Variants in CNTNAP5 observed in about 807,000 individuals in gnomAD.
CNTNAP5 encodes the protein contactin-associated protein-like 5.
In CNTNAP5, 72 loss-of-function variants were observed where a neutral mutation model predicts 150.2. The ratio of observed to expected loss-of-function variants is 0.48; its 90% CI spans 0.40 to 0.58. The LOEUF (loss-of-function observed/expected upper bound fraction) is 0.58. Among genes scored for constraint, CNTNAP5 ranks in the 20% least tolerant of loss-of-function variants. The pLI is 0.00. For synonymous variants in CNTNAP5, 672 were observed against 619.8 expected (o/e 1.08, Z -1.25); for missense variants, 1,636 against 1,626.2 (o/e 1.01, Z -0.10).
chr2:124,411,501 C>A (rs1171225622), intron 3 of CNTNAP5, among the ~76,000 whole-genome samples: 1 of 148,718 alleles, frequency 6.7e-6, no homozygotes, highest in African/African-American at 2.5e-5. Context: ...GAAAATGAAT[C>A]CAGCAGCACA....
At chr2:124,496,793 A>G (rs997780531) in intron 7 of CNTNAP5, among the ~76,000 whole-genome samples, 2 of 152,146 alleles carry the variant, frequency 1.3e-5, no homozygotes, top group African/African-American at 4.8e-5. Context: ...AGGAGTCTCA[A>G]TGGGAGCAGA....
chr2:124,472,110 A>G (rs965991384), intron 6 of CNTNAP5, among the ~76,000 whole-genome samples: 4 of 152,062 alleles, frequency 2.6e-5, no homozygotes, highest in Non-Finnish European at 5.9e-5. Flanking sequence ...GCTCAAACTA[A>G]TTTATTACTT....
intron 12 of CNTNAP5, among the ~76,000 whole-genome samples, chr2:124,627,715 GA>G (rs1677758234): frequency 6.6e-6 from 1 of 152,290 alleles, no homozygotes; most frequent in African/African-American, 2.4e-5. Flanking sequence ...CTGAAGCTGA[GA>G]TGGATGAACT....
At chr2:124,490,149 C>T (rs1184858726) in intron 7 of CNTNAP5, among the ~76,000 whole-genome samples, 2 of 152,054 alleles carry the variant, frequency 1.3e-5, no homozygotes, top group Non-Finnish European at 2.9e-5. Context: ...GCCTGGCCAA[C>T]ATGGTGAAAC....
At chr2:124,725,985 G>GAT in intron 13 of CNTNAP5, among the ~76,000 whole-genome samples, 1 of 151,780 alleles carries the variant, frequency 6.6e-6, no homozygotes, top group East Asian at 1.9e-4. Flanking sequence ...TATGATATAT[G>GAT]ATATATATGT....
chr2:124,194,997 C>T (rs919538165), intron 1 of CNTNAP5, among the ~76,000 whole-genome samples: 2 of 151,552 alleles, frequency 1.3e-5, no homozygotes, highest in South Asian at 2.1e-4. Flanking sequence ...TGGAAAACTA[C>T]ACCAATAGAA....
intron 1 of CNTNAP5, among the ~76,000 whole-genome samples, chr2:124,028,873 C>T (rs1021922390): frequency 6.6e-6 from 1 of 151,948 alleles, no homozygotes; most frequent in Non-Finnish European, 1.5e-5. Context: ...AACAGAACAG[C>T]AGGTAAATAT....
At chr2:124,476,336 A>T (rs1693640752) in intron 7 of CNTNAP5, among the ~76,000 whole-genome samples, 1 of 152,290 alleles carries the variant, frequency 6.6e-6, no homozygotes, top group African/African-American at 2.4e-5. Flanking sequence ...CAATATTGAC[A>T]AAATGTAAAG....
intron 13 of CNTNAP5, among the ~76,000 whole-genome samples, chr2:124,736,705 G>A (rs1680389278): frequency 6.6e-6 from 1 of 152,142 alleles, no homozygotes; most frequent in South Asian, 2.1e-4. Context: ...AAAGATGAAT[G>A]CACCTATATA....
intron 3 of CNTNAP5, among the ~76,000 whole-genome samples, chr2:124,301,820 C>A (rs992296791): frequency 1.3e-5 from 2 of 152,152 alleles, no homozygotes; most frequent in Non-Finnish European, 2.9e-5. Context: ...GGACACTCAC[C>A]ACAGGTGACT....
chr2:124,423,049 G>C (rs749835407), intron 4 of CNTNAP5, among the ~76,000 whole-genome samples: 1 of 152,154 alleles, frequency 6.6e-6, no homozygotes, highest in Non-Finnish European at 1.5e-5. Flanking sequence ...GAAAACTTGA[G>C]AAGTCAGTAT....
At chr2:124,764,333 T>TAATC (rs777290301) in intron 16 of CNTNAP5, among the ~76,000 whole-genome samples, 186 bp downstream of exon 16, 2 of 152,040 alleles carry the variant, frequency 1.3e-5, no homozygotes, top group Non-Finnish European at 2.9e-5. Context: ...TGTCAGTATT[T>TAATC]AATCAGTCAT....
At chr2:124,389,796 C>T (rs551706427) in intron 3 of CNTNAP5, among the ~76,000 whole-genome samples, 1 of 152,180 alleles carries the variant, frequency 6.6e-6, no homozygotes, top group African/African-American at 2.4e-5. Flanking sequence ...AAGACCCTGT[C>T]TCTACAAAAG....
At chr2:124,388,895 G>A (rs898212895) in intron 3 of CNTNAP5, among the ~76,000 whole-genome samples, 1 of 152,020 alleles carries the variant, frequency 6.6e-6, no homozygotes, top group Non-Finnish European at 1.5e-5. Flanking sequence ...TGACCAGGCT[G>A]CACGGGGTCC....
intron 8 of CNTNAP5, among the ~76,000 whole-genome samples, chr2:124,518,928 G>A (rs984205167): frequency 1.4e-5 from 2 of 146,566 alleles, no homozygotes; most frequent in Admixed American, 1.4e-4. Flanking sequence ...GGCGGAGGTT[G>A]CAGTGAGCCA....
Position 124,740,099 on chromosome 2 carries a change from T to C in CNTNAP5, c.2078-7130T>C, listed in dbSNP as rs182427393. On this transcript the variant is annotated intron_variant, in intron 13 of 23. Transcript: ENST00000682447. ...TTTTATGAATTATATATTTAATTTATATATAAATTAGTAATTTTATACAAT... is the reference window on the plus strand; with the variant it reads ...TTTTATGAATTATATATTTAATTTACATATAAATTAGTAATTTTATACAAT... Among the ~76,000 whole-genome samples, 83 of 149,484 alleles carry C rather than the reference T, an allele frequency of 5.6e-4. 1 individual carries two copies. The Middle Eastern group carries it at 0.014, about 26-fold the overall frequency.
At chr2:124,728,963 C>A (rs1308241046) in intron 13 of CNTNAP5, among the ~76,000 whole-genome samples, 5 of 152,014 alleles carry the variant, frequency 3.3e-5, no homozygotes, top group Admixed American at 3.3e-4. Context: ...CTTATAAAGG[C>A]CCTCTCACTT....
intron 1 of CNTNAP5, among the ~76,000 whole-genome samples, chr2:124,142,344 T>C (rs2104618115): frequency 6.7e-6 from 1 of 149,178 alleles, no homozygotes; most frequent in African/African-American, 2.5e-5. Flanking sequence ...TACATTTTTT[T>C]CAGCACCACA....
intron 12 of CNTNAP5, among the ~76,000 whole-genome samples, chr2:124,627,968 A>G (rs908032551): frequency 1.3e-5 from 2 of 152,198 alleles, no homozygotes; most frequent in Non-Finnish European, 2.9e-5. Flanking sequence ...GAAATGGCAG[A>G]GCTTAAGGAC....
Sources: allele counts gnomAD v4.1 joint callset (sites outside exome capture counted in the v4.1 genomes callset), GRCh38; gene constraint gnomAD v4.1.1; transcripts MANE v1.5; gene names NCBI Gene and HGNC (gene_info 2026-07-23, HGNC 2026-07-21).